Variants in NEK9 observed in about 807,000 individuals in gnomAD.
NEK9 encodes the protein NIMA related kinase 9, also known as serine/threonine-protein kinase Nek9.
NEK9 carries 75 observed loss-of-function variants against 123.4 expected under a neutral mutation model. The ratio of observed to expected loss-of-function variants is 0.61; its 90% confidence interval spans 0.50 to 0.74. The LOEUF is 0.74. Ranked by LOEUF, NEK9 falls within the 30% of genes least tolerant of loss-of-function variation. The pLI, the probability that NEK9 is intolerant of heterozygous loss-of-function variation, is 0.00. For missense variants in NEK9, 952 were observed against 1,214.4 expected (o/e 0.78, Z 3.21); for synonymous variants, 438 against 458.7 (o/e 0.95, Z 0.58).
chr14:75,082,774 G>A lies in NEK9; in HGVS notation c.*1790C>T. 1 of 389,654 alleles carries A rather than the reference G, an allele frequency of 2.6e-6. No individual in the cohort carries two copies. The highest frequency in any genetic ancestry group is 4.5e-6 in the Non-Finnish European group (1 of 220,794). The allele number at this position is 389,654 out of a possible 1,614,324, so 24.1% of individuals were successfully genotyped here. On this transcript the variant is annotated 3_prime_UTR_variant, in exon 22 of 22. Transcript: ENST00000238616. Reference sequence around the variant, plus strand: ...GCATGAGGATACAGGGACATGACAGGTCAATCGGTCCTCAAGAAAATCAAA... The same window carrying A: ...GCATGAGGATACAGGGACATGACAGATCAATCGGTCCTCAAGAAAATCAAA...
At chr14:75,126,033 T>G (rs1007647303) in intron 1 of NEK9, among the ~76,000 whole-genome samples, 1 of 152,320 alleles carries the variant, frequency 6.6e-6, no homozygotes, top group African/African-American at 2.4e-5. Flanking sequence ...AAGATTACTT[T>G]GCTTAGGTTA....
At chr14:75,122,045 T>C (rs1480954761) in intron 2 of NEK9, among the ~76,000 whole-genome samples, 1 of 152,226 alleles carries the variant, frequency 6.6e-6, no homozygotes, top group Non-Finnish European at 1.5e-5. Flanking sequence ...TAAGTGTGAA[T>C]TTACTTCTCT....
intron 5 of NEK9, 21 bp downstream of exon 5, chr14:75,118,809 T>C (rs759826218): frequency 1.5e-6 from 2 of 1,329,826 alleles, no homozygotes; most frequent in African/African-American, 2.9e-5. Context: ...AAATAAAAAT[T>C]AAGACAAGGG....
At chr14:75,126,646 G>A (rs1257552970) in intron 1 of NEK9, 57 bp downstream of exon 1, 3 of 1,307,170 alleles carry the variant, frequency 2.3e-6, no homozygotes, top group African/African-American at 1.6e-5. Context: ...CCGAGAAGGA[G>A]GGACTCGGGG....
chr14:75,110,267 C>G, intron 9 of NEK9, 54 bp downstream of exon 9: 1 of 1,378,398 alleles, frequency 7.3e-7, no homozygotes, highest in East Asian at 2.3e-5. Context: ...CAAGAAAGAA[C>G]CCCCTGGTTG....
At position 75,095,393 on chromosome 14, in the gene NEK9, T is replaced by G. The variant is rs1282735715; in HGVS notation, c.2212A>C (p.Ser738Arg). Residue 738 changes from serine to arginine, a missense_variant, in exon 18 of 22, where the codon AGT (serine) becomes CGT (arginine). This residue lies in a region of NEK9 where 698 missense variants were observed against 875.6 expected (regional missense o/e 0.80). Transcript: ENST00000238616. ...LNSKTIRSNS[S>R]GLSIGTVFQS... ...TTACCAGTTCCAATGGATAAGCCAC[T>G]GCTATTGGAACGGATGGTCTTAGAA... The G allele has an allele frequency of 1.1e-5, 18 of 1,613,340 alleles. No individual in the cohort carries two copies. The Admixed American group carries it at 2.3e-4, about 21-fold the overall frequency.
chr14:75,126,663 G>C, intron 1 of NEK9, 40 bp downstream of exon 1: 8 of 1,361,652 alleles, frequency 5.9e-6, no homozygotes, highest in Non-Finnish European at 7.6e-6. Context: ...GGGGCGACCC[G>C]ACAGCGCCAG....
intron 20 of NEK9, 100 bp downstream of exon 20, chr14:75,088,380 G>A (rs1894092323): frequency 8.7e-7 from 1 of 1,151,114 alleles, no homozygotes; most frequent in Admixed American, 2.1e-5. Context: ...TTGATGCAGG[G>A]CAGCTGAAAC....
intron 1 of NEK9, among the ~76,000 whole-genome samples, chr14:75,124,881 CCA>C (rs1486279915): frequency 1.3e-5 from 2 of 151,636 alleles, no homozygotes; most frequent in Non-Finnish European, 2.9e-5. Flanking sequence ...AGCAATCCTC[CCA>C]CCTCAGCTTC....
intron 2 of NEK9, among the ~76,000 whole-genome samples, chr14:75,123,704 TTAAA>T (rs1380706301): frequency 1.3e-5 from 2 of 152,180 alleles, no homozygotes; most frequent in Non-Finnish European, 1.5e-5. Context: ...TAAGATCTTA[TTAAA>T]TACTGTATCA....
intron 4 of NEK9, among the ~76,000 whole-genome samples, chr14:75,119,919 C>T (rs175455): frequency 0.98 from 149,361 of 152,348 alleles, 73,276 homozygotes; most frequent in East Asian, 1. Flanking sequence ...TCAAGAAATA[C>T]ATGTTAACTG....
intron 18 of NEK9, among the ~76,000 whole-genome samples, chr14:75,093,777 T>C (rs1014274607): frequency 1.3e-5 from 2 of 152,232 alleles, no homozygotes; most frequent in African/African-American, 2.4e-5. Context: ...TTCTAAACTT[T>C]ATAAAAAGGC....
intron 20 of NEK9, 152 bp from the exon 21 acceptor site, chr14:75,087,382 T>C (rs760452438): frequency 1.5e-5 from 9 of 616,324 alleles, no homozygotes; most frequent in Non-Finnish European, 2.5e-5. Context: ...ACAGAAATGC[T>C]AGGATTATAA....
rs376084882 is a variant in NEK9, at chr14:75,109,674, C to T, written c.1182+11G>A. The T allele has an allele frequency of 1.3e-5, 21 of 1,606,468 alleles. No individual in the cohort carries two copies. Among genetic ancestry groups the T allele is most frequent in the African/African-American group, 9.4e-5 (7 of 74,486 alleles). ...TACAGCACTGTTCCAAAATGCTTAG[C>T]GTTCACTTACCACCCAAGTGTACAG... On this transcript the variant is annotated intron_variant, in intron 10 of 21. Coordinates refer to ENST00000238616, the MANE Select transcript of NEK9 (RefSeq NM_033116.6).
rs1200758645 is a variant in NEK9, at chr14:75,082,882, A to G, written c.*1682T>C. The G allele has an allele frequency of 1.5e-5, 6 of 398,084 alleles. No individual in the cohort carries two copies. Among genetic ancestry groups the G allele is most frequent in the Non-Finnish European group, 2.7e-5 (6 of 226,042 alleles). The allele number at this position is 398,084 out of a possible 1,614,324, so 24.7% of individuals were successfully genotyped here. A position where few individuals can be genotyped will look rare whatever the true frequency, so the allele number is the denominator to read the frequency against. ...GTCCCCAGAACTTGCAACTTTAATC[A>G]AAGTTTGGCTGCTTCCCTTATTTCA... On this transcript the variant is annotated 3_prime_UTR_variant, in exon 22 of 22. Transcript: ENST00000238616.
intron 10 of NEK9, among the ~76,000 whole-genome samples, chr14:75,108,336 G>C (rs1325967755): frequency 6.6e-6 from 1 of 151,842 alleles, no homozygotes; most frequent in East Asian, 1.9e-4. Context: ...ATGTTGGCCA[G>C]GCTGGTCTCG....
intron 10 of NEK9, among the ~76,000 whole-genome samples, chr14:75,108,441 T>C (rs1196648570): frequency 2.0e-5 from 3 of 151,954 alleles, no homozygotes; most frequent in Non-Finnish European, 4.4e-5. Flanking sequence ...AACAGTTTTA[T>C]AGAGAAAAAT....
chr14:75,104,894 CCTA>C (rs1894720134), intron 13 of NEK9, among the ~76,000 whole-genome samples: 1 of 152,208 alleles, frequency 6.6e-6, no homozygotes, highest in Non-Finnish European at 1.5e-5. Context: ...AGTAATAGGT[CCTA>C]CTTAGGGTGA....
intron 6 of NEK9, among the ~76,000 whole-genome samples, chr14:75,115,234 G>A (rs181107928): frequency 3.4e-4 from 52 of 152,240 alleles, no homozygotes; most frequent in African/African-American, 1.2e-3. Flanking sequence ...TTGTGCCTCA[G>A]CCTCCTGAGT....
Sources: gnomAD v4.1 joint callset for allele counts (sites outside exome capture counted in the v4.1 genomes callset) on GRCh38, gnomAD v4.1.1 for gene constraint, gnomAD v4.1.1 regional missense constraint, MANE v1.5 for transcripts, NCBI Gene and HGNC (gene_info 2026-07-23, HGNC 2026-07-21) for gene names.